DNAH12: variants seen among roughly 807,000 people sequenced by gnomAD.
DNAH12 encodes the protein dynein axonemal heavy chain 12.
In DNAH12, 285 loss-of-function variants were observed where a neutral mutation model predicts 371.5. The ratio of observed to expected loss-of-function variants is 0.77; its 90% CI spans 0.70 to 0.85. The LOEUF (loss-of-function observed/expected upper bound fraction) is 0.85. Ranked by LOEUF, DNAH12 falls within the 40% of genes least tolerant of loss-of-function variation. DNAH12 has a pLI of 0.00. For missense variants in DNAH12, 3,611 were observed against 3,689.4 expected (o/e 0.98, Z 0.55); for synonymous variants, 1,200 against 1,213.0 (o/e 0.99, Z 0.22).
intron 62 of DNAH12, among the ~76,000 whole-genome samples, chr3:57,333,520 AG>A (rs2062155966): frequency 6.6e-6 from 1 of 151,884 alleles, no homozygotes; most frequent in South Asian, 2.1e-4. Flanking sequence ...TAGTAGTGAC[AG>A]GGTTTCACCA....
At chr3:57,329,948 A>T (rs1468687263) in intron 62 of DNAH12, among the ~76,000 whole-genome samples, 5 of 152,092 alleles carry the variant, frequency 3.3e-5, no homozygotes, top group Non-Finnish European at 5.9e-5. Context: ...TGCAGCCAAA[A>T]AACACATGAA....
chr3:57,324,927 A>T (rs9790302), intron 62 of DNAH12, among the ~76,000 whole-genome samples: 4 of 152,220 alleles, frequency 2.6e-5, no homozygotes, highest in African/African-American at 9.6e-5. Context: ...TATCCCCCAC[A>T]TGGCTCAGAG....
intron 31 of DNAH12, 46 bp from the exon 32 acceptor site, chr3:57,433,553 G>A: frequency 6.5e-7 from 1 of 1,541,486 alleles, no homozygotes; most frequent in Non-Finnish European, 8.7e-7. Flanking sequence ...CATAAAATTA[G>A]ATTTAGGAGT....
chr3:57,399,796 A>T (rs879150636), intron 43 of DNAH12, among the ~76,000 whole-genome samples: 85,942 of 152,152 alleles, frequency 0.56, 24,479 homozygotes, highest in East Asian at 0.62. Flanking sequence ...GATGATCCAC[A>T]TCCACTTAAT....
At chr3:57,462,896 A>G in intron 17 of DNAH12, 21 bp from the exon 18 acceptor site, 1 of 1,523,592 alleles carries the variant, frequency 6.6e-7, no homozygotes, top group Non-Finnish European at 8.9e-7. Flanking sequence ...AAATATAAAC[A>G]ATTATGAGTC....
chr3:57,438,918 C>CAAAA (rs57608649), intron 29 of DNAH12, among the ~76,000 whole-genome samples: 3 of 94,496 alleles, frequency 3.2e-5, no homozygotes, highest in African/African-American at 8.0e-5. Context: ...CTGTCTCAGA[C>CAAAA]AAAAAAAAAA....
At chr3:57,439,718 T>A (rs1385504147) in intron 29 of DNAH12, among the ~76,000 whole-genome samples, 3 of 151,330 alleles carry the variant, frequency 2.0e-5, no homozygotes, top group Non-Finnish European at 4.4e-5. Flanking sequence ...AGCTTCTGCA[T>A]GGCAAAAGAA....
chr3:57,302,543 A>G lies in DNAH12; in HGVS notation c.11190-604T>C, dbSNP rs1280352581. ...AGGCATCAGGTGTATATATATATAT[A>G]TATATATATATATATATATATGTAT... On this transcript the variant is annotated intron_variant, in intron 69 of 73. Coordinates refer to ENST00000495027, the MANE Select transcript of DNAH12 (RefSeq NM_001366028.2). Among the ~76,000 whole-genome samples the G allele has an allele frequency of 2.5e-3, 213 of 84,848 alleles. 1 individual carries two copies. Among genetic ancestry groups the G allele is most frequent in the Non-Finnish European group, 4.0e-3 (180 of 45,362 alleles). 55.7% of individuals were successfully genotyped at this position (84,848 alleles called of 152,430 possible).
At chr3:57,488,937 A>AGTGTGT (rs34379970) in intron 12 of DNAH12, among the ~76,000 whole-genome samples, 22,632 of 150,032 alleles carry the variant, frequency 0.15, 2,132 homozygotes, top group Non-Finnish European at 0.21. Flanking sequence ...AGAAATCCAA[A>AGTGTGT]GTGTGTGTGT....
intron 2 of DNAH12, among the ~76,000 whole-genome samples, chr3:57,533,682 T>C (rs2068928084): frequency 6.6e-6 from 1 of 152,248 alleles, no homozygotes. Flanking sequence ...CTCATGACTC[T>C]GCCTGGTGCC....
At chr3:57,472,512 G>A in intron 14 of DNAH12, 34 bp downstream of exon 14, 1 of 1,526,908 alleles carries the variant, frequency 6.5e-7, no homozygotes, top group Non-Finnish European at 8.8e-7. Flanking sequence ...TGAAATGTCA[G>A]ATTACAAAAA....
chr3:57,305,102 T>C (rs1026714764), intron 69 of DNAH12, among the ~76,000 whole-genome samples: 3 of 152,164 alleles, frequency 2.0e-5, no homozygotes, highest in African/African-American at 7.2e-5. Context: ...AACGGCACTT[T>C]CGATTTTTCC....
chr3:57,553,119 C>G, the DNAH12 span, among the ~76,000 whole-genome samples: 60 of 151,578 alleles, frequency 4.0e-4, no homozygotes, highest in African/African-American at 1.3e-3. Context: ...GAGGTTTTCA[C>G]TGAGCCAAGA....
chr3:57,451,595 C>T (rs745404115), intron 25 of DNAH12, among the ~76,000 whole-genome samples: 6 of 152,172 alleles, frequency 3.9e-5, no homozygotes, highest in Non-Finnish European at 7.3e-5. Flanking sequence ...GCCATGATGG[C>T]GCCACTGCAT....
chr3:57,436,143 C>A (rs1399390622), intron 30 of DNAH12, among the ~76,000 whole-genome samples: 1 of 151,954 alleles, frequency 6.6e-6, no homozygotes, highest in Non-Finnish European at 1.5e-5. Context: ...GAAGTAGATT[C>A]AGGTTTTAAG....
chr3:57,523,772 T>A, intron 3 of DNAH12, 31 bp downstream of exon 3: 1 of 1,565,846 alleles, frequency 6.4e-7, no homozygotes. Flanking sequence ...GATATAAGGA[T>A]AAACTTTTTA....
At chr3:57,498,644 T>C in intron 11 of DNAH12, 1 of 701,100 alleles carries the variant, frequency 1.4e-6, no homozygotes, top group African/African-American at 1.8e-5. Context: ...CAAATATCCA[T>C]CAAAACGTGA....
intron 13 of DNAH12, among the ~76,000 whole-genome samples, chr3:57,477,095 C>T (rs998065818): frequency 7.9e-5 from 12 of 152,208 alleles, no homozygotes; most frequent in Admixed American, 3.9e-4. Flanking sequence ...GTGGGTGCAG[C>T]GCACTGAGCA....
chr3:57,432,319 G>A (rs979612593), intron 32 of DNAH12, among the ~76,000 whole-genome samples: 10 of 147,920 alleles, frequency 6.8e-5, no homozygotes, highest in South Asian at 4.4e-4. Context: ...ACAGGCGCGC[G>A]CCACCACACC....
Sources: gnomAD v4.1 joint callset for allele counts (sites outside exome capture counted in the v4.1 genomes callset) on GRCh38, gnomAD v4.1.1 for gene constraint, MANE v1.5 for transcripts, NCBI Gene and HGNC (gene_info 2026-07-23, HGNC 2026-07-21) for gene names.